INPP5B: variants seen among roughly 807,000 people sequenced by gnomAD.
The protein encoded by INPP5B is inositol polyphosphate-5-phosphatase B, also known as type II inositol 1,4,5-trisphosphate 5-phosphatase.
INPP5B carries 90 observed loss-of-function variants against 118.5 expected under a neutral mutation model. The observed-to-expected ratio is 0.76, with a 90% CI of 0.64 to 0.90. INPP5B has a LOEUF of 0.90. INPP5B is among the 40% of genes least tolerant of loss of function. The probability of loss-of-function intolerance (pLI) is 0.00; values close to 1 mark genes in which losing one functional copy is unlikely to be tolerated. For missense variants in INPP5B, 984 were observed against 1,125.6 expected (o/e 0.87, Z 1.80); for synonymous variants, 385 against 418.9 (o/e 0.92, Z 0.99).
intron 6 of INPP5B, among the ~76,000 whole-genome samples, chr1:37,935,236 G>A (rs759539343): frequency 2.2e-5 from 3 of 138,490 alleles, no homozygotes; most frequent in African/African-American, 2.6e-5. Context: ...CTGTCGCCCA[G>A]GCTGGAGTGC....
intron 7 of INPP5B, among the ~76,000 whole-genome samples, chr1:37,898,959 ATC>A (rs1644226884): frequency 6.6e-6 from 1 of 151,876 alleles, no homozygotes; most frequent in Non-Finnish European, 1.5e-5. Flanking sequence ...AGGCAGGCGG[ATC>A]CCCTGAGGTC....
At chr1:37,879,665 G>A (rs911182559) in intron 15 of INPP5B, among the ~76,000 whole-genome samples, 7 of 152,052 alleles carry the variant, frequency 4.6e-5, no homozygotes, top group Admixed American at 4.6e-4. Context: ...GGATGAGGCA[G>A]GAGAATCGCT....
intron 19 of INPP5B, among the ~76,000 whole-genome samples, chr1:37,872,067 A>C (rs1356398993): frequency 1.4e-5 from 1 of 71,992 alleles, no homozygotes; most frequent in African/African-American, 5.6e-5. Context: ...CCATCTCAAA[A>C]AAAAAAAAAA....
intron 18 of INPP5B, 24 bp from the exon 19 acceptor site, chr1:37,873,189 T>C (rs756766031): frequency 1.3e-6 from 2 of 1,565,496 alleles, no homozygotes; most frequent in Admixed American, 3.3e-5. Flanking sequence ...TTAAAAATAA[T>C]GTTGGCCGGG....
chr1:37,921,522 T>TA (rs1645052539), intron 7 of INPP5B, among the ~76,000 whole-genome samples: 1 of 152,166 alleles, frequency 6.6e-6, no homozygotes, highest in Non-Finnish European at 1.5e-5. Flanking sequence ...CTCACAGCTT[T>TA]AAAAAGAAGT....
In INPP5B at chr1:37,874,009, T is replaced by C. The variant is rs1341720421; in HGVS notation, c.1935A>G (p.Arg645=). 3 of 1,576,128 alleles carry C rather than the reference T, an allele frequency of 1.9e-6. No homozygotes were observed. The highest frequency in any genetic ancestry group is 2.7e-5 in the African/African-American group (2 of 74,458). Residue 645 remains arginine, a synonymous_variant, in exon 18 of 24, where the codon AGA becomes AGG. Transcript: ENST00000373024. ...CKQWLNANPS[R]GFLLPDSDVE... ...AGGCCTTACCTGGCAGGAGGAAGCCTCTGCTGGGGTTGGCATTCAGCCACT... is the reference window on the plus strand; with the variant it reads ...AGGCCTTACCTGGCAGGAGGAAGCCCCTGCTGGGGTTGGCATTCAGCCACT...
chr1:37,921,022 C>T (rs1466113227), intron 7 of INPP5B, among the ~76,000 whole-genome samples: 2 of 152,070 alleles, frequency 1.3e-5, no homozygotes, highest in Non-Finnish European at 2.9e-5. Flanking sequence ...AGGAGAATGG[C>T]GTGAACACGG....
At chr1:37,932,172 G>T in intron 6 of INPP5B, 119 bp from the exon 7 acceptor site, 3 of 895,568 alleles carry the variant, frequency 3.3e-6, no homozygotes, top group Non-Finnish European at 3.1e-6. Context: ...GGTTCTGTGC[G>T]CACTGAGGTT....
chr1:37,916,924 A>G (rs1181436318), intron 7 of INPP5B, among the ~76,000 whole-genome samples: 1 of 151,802 alleles, frequency 6.6e-6, no homozygotes, highest in Non-Finnish European at 1.5e-5. Context: ...CTAGACCAGT[A>G]CTGTCCAATA....
chr1:37,926,140 G>A (rs1346038327), intron 7 of INPP5B, among the ~76,000 whole-genome samples: 1 of 152,156 alleles, frequency 6.6e-6, no homozygotes, highest in African/African-American at 2.4e-5. Context: ...TTCTACTCTG[G>A]TAAACTAGGT....
At chr1:37,865,199 TGATTCAGTA>T in intron 22 of INPP5B, among the ~76,000 whole-genome samples, 1 of 151,166 alleles carries the variant, frequency 6.6e-6, no homozygotes, top group African/African-American at 2.4e-5. Flanking sequence ...AAAAAAAGTG[TGATTCAGTA>T]GATTTGGGGT....
intron 7 of INPP5B, among the ~76,000 whole-genome samples, chr1:37,900,993 G>A (rs373849571): frequency 2.0e-5 from 3 of 151,894 alleles, no homozygotes; most frequent in Admixed American, 6.6e-5. Flanking sequence ...TGTATTTTTC[G>A]TAGAGATGGG....
At chr1:37,891,914 G>A (rs1347942737) in intron 7 of INPP5B, among the ~76,000 whole-genome samples, 2 of 152,210 alleles carry the variant, frequency 1.3e-5, no homozygotes, top group African/African-American at 2.4e-5. Context: ...TGATGTCTGG[G>A]TGAAGTCCCA....
intron 9 of INPP5B, among the ~76,000 whole-genome samples, chr1:37,888,784 G>A (rs1643681011): frequency 6.6e-6 from 1 of 152,118 alleles, no homozygotes. Flanking sequence ...TAGTCCCAAT[G>A]CAACGATTTT....
At chr1:37,871,911 AAT>A (rs1642465709) in intron 19 of INPP5B, among the ~76,000 whole-genome samples, 2 of 151,216 alleles carry the variant, frequency 1.3e-5, no homozygotes, top group African/African-American at 4.8e-5. Flanking sequence ...AAAAAAAAAA[AAT>A]TAGCTGGGTG....
intron 7 of INPP5B, among the ~76,000 whole-genome samples, chr1:37,924,518 AATT>A (rs762620655): frequency 3.7e-4 from 56 of 152,108 alleles, no homozygotes; most frequent in Non-Finnish European, 5.9e-4. Context: ...ACGTCTAAAT[AATT>A]AGCATTGCTT....
chr1:37,919,975 T>C (rs1330719792), intron 7 of INPP5B, among the ~76,000 whole-genome samples: 1 of 152,050 alleles, frequency 6.6e-6, no homozygotes, highest in Non-Finnish European at 1.5e-5. Flanking sequence ...CAAAAACTAA[T>C]ACTTAAGGCT....
Position 37,932,063 on chromosome 1 carries a change from A to C in INPP5B, c.392-10T>G, listed in dbSNP as rs1211421694. 18 of 1,579,214 alleles carry C rather than the reference A, an allele frequency of 1.1e-5. No individual in the cohort carries two copies. The highest frequency in any genetic ancestry group is 1.5e-5 in the Non-Finnish European group (17 of 1,162,174). ...GTCGCAGAATCGAAGCCTGTGCAGG[A>C]ACAAATGGGGGCAGACTGAGCCACG... On this transcript the variant is annotated splice_polypyrimidine_tract_variant and intron_variant, in intron 6 of 23. Transcript: ENST00000373024.
At chr1:37,946,130 C>G (rs754019186) in intron 2 of INPP5B, 122 bp downstream of exon 2, 2 of 944,074 alleles carry the variant, frequency 2.1e-6, no homozygotes, top group Non-Finnish European at 3.3e-6. Flanking sequence ...TTAGTAAATA[C>G]TGATTTCCTT....
Sources: gnomAD v4.1 joint callset for allele counts (sites outside exome capture counted in the v4.1 genomes callset) on GRCh38, gnomAD v4.1.1 for gene constraint, MANE v1.5 for transcripts, NCBI Gene and HGNC (gene_info 2026-07-23, HGNC 2026-07-21) for gene names.